The following FASN variants were observed in gnomAD, a reference collection of about 807,000 sequenced individuals.
The protein encoded by FASN is 3-hydroxyacyl-[acyl-carrier-protein] dehydratase.
FASN carries 50 observed loss-of-function variants against 250.0 expected under a neutral mutation model. That is an observed-to-expected ratio of 0.20 (90% CI 0.16 to 0.25). FASN has a LOEUF of 0.25. Ranked by LOEUF, FASN falls within the 10% of genes least tolerant of loss-of-function variation. The pLI, the probability that FASN is intolerant of heterozygous loss-of-function variation, is 1.00. For missense variants in FASN, 3,031 were observed against 3,498.5 expected, an observed-to-expected ratio of 0.87 and a Z score of 3.37; for synonymous variants, 1,909 against 1,584.0, an observed-to-expected ratio of 1.21 and a Z score of -4.87.
At position 82,089,669 on chromosome 17, in the gene FASN, T is replaced by C; in HGVS notation, c.1928A>G (p.His643Arg). ...RCPPGVVPAC[H>R]NSKDTVTISG... The stretch of plus-strand genomic sequence containing the variant: ...GATGGTGACTGTGTCCTTGGAGTTG[T>C]GGCAGGCGGGCACCACGCCCGGGGG... The change falls in exon 12 of 43, where the codon CAC becomes CGC. Residue 643 changes from histidine (H) to arginine (R), a missense_variant. His to Arg is a conservative substitution (Grantham distance 29, BLOSUM62 0). Transcript: ENST00000306749. The C allele has an allele frequency of 6.2e-7, 1 of 1,603,500 alleles. No individual in the cohort carries two copies. The highest frequency in any genetic ancestry group is 8.5e-7 in the Non-Finnish European group (1 of 1,176,142).
chr17:82,091,809 C>T, intron 8 of FASN, 125 bp from the exon 9 acceptor site: 1 of 866,234 alleles, frequency 1.2e-6, no homozygotes, highest in Non-Finnish European at 1.7e-6. Context: ...CGATGCACTT[C>T]CTGTCCCCAA....
chr17:82,095,263 C>T lies in FASN; in HGVS notation c.280+57G>A, dbSNP rs533132606. The T allele has an allele frequency of 1.0e-5, 16 of 1,581,608 alleles. No homozygotes were observed. In the East Asian group the frequency reaches 2.9e-4, roughly 29 times the overall value. On this transcript the variant is annotated intron_variant, in intron 3 of 42. Transcript: ENST00000306749. The stretch of plus-strand genomic sequence containing the variant: ...CAGAACCAAGAAGAGAAAACACTGC[C>T]TATTCCACGTGAGCAGCAGGAGCCC...
chr17:82,088,159 A>C lies in FASN; in HGVS notation c.2742T>G (p.Phe914Leu). 1 of 1,612,782 alleles carries C rather than the reference A, an allele frequency of 6.2e-7. No individual in the cohort carries two copies. Among genetic ancestry groups the C allele is most frequent in the South Asian group, 1.1e-5 (1 of 91,086 alleles). ...GLGVEQLPVVFEDVVLHQATI... is the reference protein window; with the variant it reads ...GLGVEQLPVVLEDVVLHQATI... ...TGGCCTGGTGCAGCACCACATCCTC[A>C]AACACCACAGGCAGCTGCTCGACGC... The change falls in exon 17 of 43, where the codon TTT (phenylalanine) becomes TTG (leucine). Residue 914 changes from phenylalanine to leucine, a missense_variant. Coordinates refer to ENST00000306749, the MANE Select transcript of FASN (RefSeq NM_004104.5).
At position 82,095,432 on chromosome 17, in the gene FASN, G is replaced by A. The variant is rs369162312; in HGVS notation, c.168C>T (p.Asp56=). 2.4e-4 allele frequency: 383 copies of A among 1,612,824 alleles called. No individual in the cohort carries two copies. The highest frequency in any genetic ancestry group is 3.1e-4 in the Non-Finnish European group (367 of 1,180,028). ...AGAAGGAGGCATCAAACCTAGACAG[G>A]TCCTTCAGCTTGCCGGACCGCCGGG... ...GLPRRSGKLK[D]LSRFDASFFG... Residue 56 remains aspartate (D), a synonymous_variant, in exon 3 of 43, where the codon GAC becomes GAT. Transcript: ENST00000306749.
At position 82,085,151 on chromosome 17, in the gene FASN, G is replaced by T. The variant is rs374289785; in HGVS notation, c.4293C>A (p.Ile1431=). Residue 1431 remains isoleucine, a synonymous_variant, in exon 25 of 43, where the codon ATC becomes ATA. Coordinates refer to ENST00000306749, the MANE Select transcript of FASN (RefSeq NM_004104.5). Reference sequence around the variant, plus strand: ...GCCGGGAAGAGTCTTCGTCAGCCAGGATGCCCTACAGCGGGTCGGGGAGGG... The same window carrying T: ...GCCGGGAAGAGTCTTCGTCAGCCAGTATGCCCTACAGCGGGTCGGGGAGGG... ...SFRWVESLKG[I]LADEDSSRPV... is the part of the protein sequence containing the mutation. 1 of 1,612,588 alleles carries T rather than the reference G, an allele frequency of 6.2e-7. No individual in the cohort carries two copies. The highest frequency in any genetic ancestry group is 8.5e-7 in the Non-Finnish European group (1 of 1,179,924).
chr17:82,081,020 C>G, intron 38 of FASN, 98 bp from the exon 39 acceptor site: 2 of 1,391,092 alleles, frequency 1.4e-6, no homozygotes, highest in Non-Finnish European at 2.0e-6. Context: ...CACGGTGCTA[C>G]GTCAGGTGGG....
chr17:82,083,340 C>T lies in FASN; in HGVS notation c.5427G>A (p.Glu1809=). 21 of 1,612,746 alleles carry T rather than the reference C, an allele frequency of 1.3e-5. No homozygotes were observed. The highest frequency in any genetic ancestry group is 1.8e-5 in the Non-Finnish European group (21 of 1,179,998). The change falls in exon 32 of 43, where the codon GAG becomes GAA. Residue 1809 remains glutamate, a synonymous_variant. Transcript: ENST00000306749. ...TGCCGGCCTGCACAAGCGCCCACAC[C>T]TCCCGCCAGTCAGCACTGCTCTCGT... ...FFNESSADWR[E]VWALVQAGIR... is the part of the protein sequence containing the mutation.
Position 82,079,289 on chromosome 17 carries a change from G to C in FASN, c.7399-9C>G, listed in dbSNP as rs1161612898. 2.5e-6 allele frequency: 4 copies of C among 1,612,922 alleles called. No individual in the cohort carries two copies. Among genetic ancestry groups the C allele is most frequent in the Non-Finnish European group, 3.4e-6 (4 of 1,179,944 alleles). On this transcript the variant is annotated splice_polypyrimidine_tract_variant and intron_variant, in intron 42 of 42. Coordinates refer to ENST00000306749, the MANE Select transcript of FASN (RefSeq NM_004104.5). ...ACTTTCCCGTCGCATACCTGCAGGG[G>C]ATGCGATCAGCTGCCGTCCCACCCC...
chr17:82,080,066 C>T (rs963771934), intron 41 of FASN, 74 bp downstream of exon 41: 4 of 1,479,292 alleles, frequency 2.7e-6, no homozygotes, highest in African/African-American at 2.8e-5. Context: ...GCGTCCCATC[C>T]CATCCTTCCC....
rs776458928 is a variant in FASN, at chr17:82,083,415, G to A, written c.5352C>T (p.Ile1784=). The change falls in exon 32 of 43, where the codon ATC becomes ATT. Residue 1784 remains isoleucine (I), a synonymous_variant. Coordinates refer to ENST00000306749, the MANE Select transcript of FASN (RefSeq NM_004104.5). ...LSQNHPLGMA[I]FLKNVTFHGV... The stretch of plus-strand genomic sequence containing the variant: ...CGTGGAATGTCACGTTCTTCAGGAA[G>A]ATAGCCATGCCTGCGGGCAGGGGCC... 2 of 1,612,642 alleles carry A rather than the reference G, an allele frequency of 1.2e-6. No homozygotes were observed. The highest frequency in any genetic ancestry group is 2.2e-5 in the East Asian group (1 of 44,902).
rs1190129055 is a variant in FASN at position 82,088,223 on chromosome 17, C to T, written c.2678G>A (p.Ser893Asn). 1 of 1,611,324 alleles carries T rather than the reference C, an allele frequency of 6.2e-7. No homozygotes were observed. Among genetic ancestry groups the T allele is most frequent in the Admixed American group, 1.7e-5 (1 of 60,024 alleles). Residue 893 changes from serine to asparagine, a missense_variant, in exon 17 of 43, where the codon AGC becomes AAC. Transcript: ENST00000306749. Reference protein sequence around the residue: ...RVLFPATGYLSIVWKTLARAL... With the variant: ...RVLFPATGYLNIVWKTLARAL... Reference sequence around the variant, plus strand: ...GCGGGCCAGCGTCTTCCACACTATGCTCAGGTAGCCAGTGGCGGGGAAGAG... The same window carrying T: ...GCGGGCCAGCGTCTTCCACACTATGTTCAGGTAGCCAGTGGCGGGGAAGAG...
At position 82,096,402 on chromosome 17, in the gene FASN, T is replaced by G. The variant is rs199781332; in HGVS notation, c.44A>C (p.Glu15Ala). Residue 15 changes from glutamate to alanine, a missense_variant, in exon 2 of 43, where the codon GAG becomes GCG. Coordinates refer to ENST00000306749, the MANE Select transcript of FASN (RefSeq NM_004104.5). ...CCAGAACTCCTGCAAGTTCTCCGAC[T>G]CTGGCAGCTTCCCGGACATGCCGGC... ...VIAGMSGKLP[E>A]SENLQEFWDN... is the part of the protein sequence containing the mutation. 1.1e-5 allele frequency: 18 copies of G among 1,612,718 alleles called. No homozygotes were observed. In the South Asian group the frequency reaches 2.0e-4, roughly 18 times the overall value.
At position 82,084,017 on chromosome 17, in the gene FASN, C is replaced by T. The variant is rs778912716; in HGVS notation, c.5056G>A (p.Ala1686Thr). 1.8e-5 allele frequency: 28 copies of T among 1,539,336 alleles called. No individual in the cohort carries two copies. The Admixed American group carries it at 2.2e-4, about 12-fold the overall frequency. ...GSGGVGQAAI[A>T]IALSLGCRVF... ...CGGCAGCCCAGACTGAGGGCGATGG[C>T]GATGGCGGCCTGGCCCACGCCGCCC... The change falls in exon 29 of 43, where the codon GCC becomes ACC. Residue 1686 changes from alanine (A) to threonine (T), a missense_variant. Transcript: ENST00000306749.
At position 82,082,082 on chromosome 17, in the gene FASN, T is replaced by C. The variant is rs755581631; in HGVS notation, c.6090A>G (p.Gly2030=). The C allele has an allele frequency of 9.3e-6, 15 of 1,609,978 alleles. No homozygotes were observed. The highest frequency in any genetic ancestry group is 2.2e-5 in the East Asian group (1 of 44,878). Residue 2030 remains glycine (G), a synonymous_variant, in exon 36 of 43, where the codon GGA becomes GGG. Coordinates refer to ENST00000306749, the MANE Select transcript of FASN (RefSeq NM_004104.5). ...AATTGGCAAAGCCGTAGTTGCTCTG[T>C]CCCGCATTGCCACGCCCGCAGCTCA... The part of the protein sequence containing the change: ...SSVSCGRGNA[G]QSNYGFANSA...
Position 82,085,132 on chromosome 17 carries a change from A to T in FASN, c.4312T>A (p.Ser1438Thr), listed in dbSNP as rs767565275. 7 of 1,612,484 alleles carry T rather than the reference A, an allele frequency of 4.3e-6. No homozygotes were observed. The highest frequency in any genetic ancestry group is 8.5e-7 in the Non-Finnish European group (1 of 1,179,940). ...ATGGCCTTCAGCCACACAGGCCGGGAAGAGTCTTCGTCAGCCAGGATGCCC... is the reference window on the plus strand; with the variant it reads ...ATGGCCTTCAGCCACACAGGCCGGGTAGAGTCTTCGTCAGCCAGGATGCCC... ...LKGILADEDS[S>T]RPVWLKAINC... The change falls in exon 25 of 43, where the codon TCC (serine) becomes ACC (threonine). Residue 1438 changes from serine to threonine, a missense_variant. By Grantham distance (58) the Ser-to-Thr change is moderately conservative. Transcript: ENST00000306749.
intron 1 of FASN, among the ~76,000 whole-genome samples, 176 bp from the exon 2 acceptor site, chr17:82,096,628 C>T (rs550184646): frequency 1.3e-5 from 2 of 152,306 alleles, no homozygotes; most frequent in South Asian, 2.1e-4. Context: ...GCCCTGACCC[C>T]GCTCTCGCTG....
chr17:82,084,698 G>T lies in FASN; in HGVS notation c.4583C>A (p.Thr1528Lys). 1.9e-6 allele frequency: 3 copies of T among 1,568,874 alleles called. No homozygotes were observed. The highest frequency in any genetic ancestry group is 2.6e-6 in the Non-Finnish European group (3 of 1,157,294). Reference sequence around the variant, plus strand: ...GAGGGTGCTCACAAAGGCATGTGCCGTCGGCTCCTCAGGCTTGTCTAGGGA... The same window carrying T: ...GAGGGTGCTCACAAAGGCATGTGCCTTCGGCTCCTCAGGCTTGTCTAGGGA... Reference protein sequence around the residue: ...LLEEDKPEEPTAHAFVSTLTR... With the variant: ...LLEEDKPEEPKAHAFVSTLTR... Residue 1528 changes from threonine (T) to lysine (K), a missense_variant, in exon 27 of 43, where the codon ACG becomes AAG. By Grantham distance (78) the Thr-to-Lys change is moderately conservative. Coordinates refer to ENST00000306749, the MANE Select transcript of FASN (RefSeq NM_004104.5).
At chr17:82,085,440 C>T in intron 23 of FASN, 38 bp from the exon 24 acceptor site, 1 of 1,596,998 alleles carries the variant, frequency 6.3e-7, no homozygotes, top group South Asian at 1.1e-5. Flanking sequence ...CCGCCTGGCC[C>T]TCACCCGGCC....
intron 21 of FASN, 100 bp from the exon 22 acceptor site, chr17:82,086,658 C>G: frequency 1.1e-6 from 1 of 884,172 alleles, no homozygotes; most frequent in Non-Finnish European, 1.8e-6. Context: ...GCCACCACCC[C>G]GCTCTGCCCA....
Sources: gnomAD v4.1 joint callset for allele counts (sites outside exome capture counted in the v4.1 genomes callset) on GRCh38, gnomAD v4.1.1 for gene constraint, MANE v1.5 for transcripts, NCBI Gene and HGNC (gene_info 2026-07-23, HGNC 2026-07-21) for gene names.